Variants in PICALM observed in about 807,000 individuals in gnomAD.
PICALM encodes the protein phosphatidylinositol-binding clathrin assembly protein.
Under a neutral mutation model 80.5 loss-of-function variants are expected in PICALM, and 40 were observed. That is an observed-to-expected ratio of 0.50 (90% CI 0.39 to 0.65). The LOEUF is 0.65. Ranked by LOEUF, PICALM falls within the 30% of genes least tolerant of loss-of-function variation. PICALM has a pLI of 0.00. For synonymous variants in PICALM, 288 were observed against 260.3 expected, an observed-to-expected ratio of 1.11 and a Z score of -1.02; for missense variants, 676 against 778.9, an observed-to-expected ratio of 0.87 and a Z score of 1.57.
chr11:86,027,234 G>A (rs1347449812), intron 2 of PICALM, among the ~76,000 whole-genome samples: 1 of 152,088 alleles, frequency 6.6e-6, no homozygotes, highest in Non-Finnish European at 1.5e-5. Context: ...ATGAGTATAT[G>A]AGTTTTTCAG....
At chr11:85,990,658 G>T (rs560481338) in intron 12 of PICALM, among the ~76,000 whole-genome samples, 1 of 152,206 alleles carries the variant, frequency 6.6e-6, no homozygotes, top group East Asian at 1.9e-4. Flanking sequence ...GTTAAAAAAT[G>T]GAATAATAAC....
At chr11:85,979,409 G>C (rs2094373862) in intron 17 of PICALM, among the ~76,000 whole-genome samples, 1 of 151,622 alleles carries the variant, frequency 6.6e-6, no homozygotes, top group African/African-American at 2.4e-5. Context: ...AGAATCACTT[G>C]AACCTGGGAG....
intron 3 of PICALM, among the ~76,000 whole-genome samples, chr11:86,023,710 A>C (rs192693869): frequency 4.3e-4 from 65 of 152,382 alleles, no homozygotes; most frequent in Non-Finnish European, 7.9e-4. Flanking sequence ...AGACTTTTAA[A>C]GTTAAAATGA....
chr11:85,991,774 G>C (rs1211393221), intron 12 of PICALM, among the ~76,000 whole-genome samples: 1 of 151,830 alleles, frequency 6.6e-6, no homozygotes, highest in Non-Finnish European at 1.5e-5. Flanking sequence ...TGGGAAAAAA[G>C]AATCAGAAAA....
At chr11:86,056,143 A>AAAAAAAG (rs59538169) in intron 1 of PICALM, among the ~76,000 whole-genome samples, 13,016 of 143,842 alleles carry the variant, frequency 0.09, 1,591 homozygotes, top group South Asian at 0.13. Context: ...TTTAAAAAAA[A>AAAAAAAG]AAAAAAAGAA....
At chr11:86,028,386 A>G (rs1051492834) in intron 2 of PICALM, among the ~76,000 whole-genome samples, 1 of 152,232 alleles carries the variant, frequency 6.6e-6, no homozygotes, top group East Asian at 1.9e-4. Flanking sequence ...TATTGTGTAT[A>G]TTAGAAACTT....
chr11:85,988,945 C>A (rs932779649), intron 13 of PICALM, among the ~76,000 whole-genome samples: 4 of 152,212 alleles, frequency 2.6e-5, no homozygotes, highest in African/African-American at 9.6e-5. Flanking sequence ...TGTGGTTTTA[C>A]AGCTAAGAAA....
chr11:86,041,769 G>A (rs894751537), intron 1 of PICALM, among the ~76,000 whole-genome samples: 64 of 152,096 alleles, frequency 4.2e-4, no homozygotes, highest in African/African-American at 1.5e-3. Flanking sequence ...TTTCAGATCA[G>A]TCTAATCTAC....
chr11:85,977,800 G>C (rs935799544), intron 17 of PICALM, among the ~76,000 whole-genome samples: 1 of 152,160 alleles, frequency 6.6e-6, no homozygotes. Context: ...CAAGTGCATA[G>C]TGGCAGCACA....
intron 12 of PICALM, among the ~76,000 whole-genome samples, chr11:85,993,288 T>C (rs1209205363): frequency 1.3e-5 from 2 of 152,102 alleles, no homozygotes; most frequent in African/African-American, 2.4e-5. Flanking sequence ...GGTCTTGCCA[T>C]GTTGTCCAGG....
chr11:86,037,016 G>A (rs2095853185), intron 1 of PICALM, among the ~76,000 whole-genome samples: 1 of 151,692 alleles, frequency 6.6e-6, no homozygotes, highest in South Asian at 2.1e-4. Flanking sequence ...CGTGATCTCG[G>A]CTCACTGCAA....
chr11:86,035,638 G>A (rs958969580), intron 1 of PICALM, among the ~76,000 whole-genome samples: 3 of 151,998 alleles, frequency 2.0e-5, no homozygotes, highest in Admixed American at 2.0e-4. Context: ...GATTTATTCA[G>A]TCATCTAGAA....
intron 1 of PICALM, among the ~76,000 whole-genome samples, chr11:86,052,714 TCTAA>T (rs2096209984): frequency 6.6e-6 from 1 of 152,204 alleles, no homozygotes; most frequent in East Asian, 1.9e-4. Context: ...AAAAATTGGC[TCTAA>T]CTATGGTCCA....
At chr11:86,045,764 C>T (rs1279328045) in intron 1 of PICALM, among the ~76,000 whole-genome samples, 2 of 152,042 alleles carry the variant, frequency 1.3e-5, no homozygotes, top group African/African-American at 4.8e-5. Flanking sequence ...TTTATCCTGG[C>T]TTGTGTGAGA....
rs140505242 is a variant in PICALM at position 85,970,100 on chromosome 11, G to T, written c.1944+4608C>A. Among the ~76,000 whole-genome samples, 462 of 152,338 alleles carry T rather than the reference G, an allele frequency of 3.0e-3. 7 individuals are homozygous for T. The highest frequency in any genetic ancestry group is 0.01 in the Middle Eastern group (3 of 294). On this transcript the variant is annotated intron_variant, in intron 19 of 19. Transcript: ENST00000393346. ...CAAAAACTATTACATGTCAGGCACT[G>T]TTCTAGGAACTAGGGACAGAGAAGT...
intron 19 of PICALM, among the ~76,000 whole-genome samples, chr11:85,972,510 C>T (rs992609222): frequency 3.9e-5 from 6 of 152,102 alleles, no homozygotes; most frequent in African/African-American, 1.2e-4. Flanking sequence ...CTTAAAGAAT[C>T]GGCTAACACA....
chr11:86,068,826 A>G lies in PICALM; in HGVS notation c.-46T>C, dbSNP rs753954947. 2 of 1,554,402 alleles carry G rather than the reference A, an allele frequency of 1.3e-6. No homozygotes were observed. Among genetic ancestry groups the G allele is most frequent in the Non-Finnish European group, 1.7e-6 (2 of 1,154,340 alleles). On this transcript the variant is annotated 5_prime_UTR_variant, in exon 1 of 20. Coordinates refer to ENST00000393346, the MANE Select transcript of PICALM (RefSeq NM_007166.4). ...CCCACCCGCTCAGCAGCCGGCGGGG[A>G]CTGGGACCCCCAAGAGCCGGAGGGT...
chr11:85,976,774 G>A (rs2094296319), intron 17 of PICALM, 92 bp from the exon 18 acceptor site: 2 of 742,308 alleles, frequency 2.7e-6, no homozygotes, highest in East Asian at 5.1e-5. Context: ...CCACTAAAAA[G>A]AATTGCTAAG....
At chr11:85,967,096 T>C (rs2093927069) in intron 19 of PICALM, among the ~76,000 whole-genome samples, 1 of 143,812 alleles carries the variant, frequency 7.0e-6, no homozygotes, top group Non-Finnish European at 1.5e-5. Context: ...AAGGCTGGTG[T>C]TTTTTTCCTC....
Sources: gnomAD v4.1 joint callset for allele counts (sites outside exome capture counted in the v4.1 genomes callset) on GRCh38, gnomAD v4.1.1 for gene constraint, MANE v1.5 for transcripts, NCBI Gene and HGNC (gene_info 2026-07-23, HGNC 2026-07-21) for gene names.